The following TEX12 variants were observed in gnomAD, a reference collection of about 807,000 sequenced individuals.
TEX12 encodes the protein testis-expressed protein 12.
In TEX12, 7 loss-of-function variants were observed where a neutral mutation model predicts 14.6. The ratio of observed to expected loss-of-function variants is 0.48; its 90% CI spans 0.27 to 0.90. TEX12 has a LOEUF of 0.90. TEX12 is among the 40% of genes least tolerant of loss of function. The pLI is 0.12. For synonymous variants in TEX12, 57 were observed against 49.1 expected, an observed-to-expected ratio of 1.16 and a Z score of -0.67; for missense variants, 121 against 135.7, an observed-to-expected ratio of 0.89 and a Z score of 0.54.
Position 112,170,688 on chromosome 11 carries a change from G to T in TEX12, c.227+14G>T. Reference sequence around the variant, plus strand: ...AAAGCTTTTAAGGCAAGTACTTATAGTATATTCTCTGGGGTCTTTATGTTA... The same window carrying T: ...AAAGCTTTTAAGGCAAGTACTTATATTATATTCTCTGGGGTCTTTATGTTA... On this transcript the variant is annotated intron_variant, in intron 4 of 4. Coordinates refer to ENST00000280358, the MANE Select transcript of TEX12 (RefSeq NM_031275.4). 1 of 1,595,306 alleles carries T rather than the reference G, an allele frequency of 6.3e-7. No homozygotes were observed. Among genetic ancestry groups the T allele is most frequent in the Non-Finnish European group, 8.6e-7 (1 of 1,165,454 alleles).
chr11:112,170,346 T>C (rs1866774927), intron 2 of TEX12, 73 bp from the exon 3 acceptor site: 1 of 1,049,174 alleles, frequency 9.5e-7, no homozygotes, highest in East Asian at 2.5e-5. Flanking sequence ...ATTTGCTTTT[T>C]CTTAATAAAC....
chr11:112,170,772 A>T (rs1427012179), intron 4 of TEX12, 98 bp downstream of exon 4: 3 of 918,280 alleles, frequency 3.3e-6, no homozygotes, highest in African/African-American at 1.7e-5. Flanking sequence ...AAACCTCTCC[A>T]GTAATTAAAA....
intron 1 of TEX12, 44 bp from the exon 2 acceptor site, chr11:112,169,209 C>T: frequency 7.7e-7 from 1 of 1,294,136 alleles, no homozygotes; most frequent in South Asian, 1.2e-5. Context: ...GAGCTTGTAG[C>T]ATGGAGTTTG....
rs143042971 is a variant in TEX12, at chr11:112,169,950, C to T, written c.64-469C>T. 1.3e-3 allele frequency among the ~76,000 whole-genome samples: 203 copies of T among 152,266 alleles called. 1 individual carries two copies. In the South Asian group the frequency reaches 0.016, roughly 12 times the overall value. On this transcript the variant is annotated intron_variant, in intron 2 of 4. Transcript: ENST00000280358. ...CTTTGGGAGGCTGAGGCAGGAGTAT[C>T]GTTTGAGGCTAAGAGTTTCAGATCA...
At chr11:112,168,663 C>T (rs2135333674) in intron 1 of TEX12, among the ~76,000 whole-genome samples, 1 of 152,072 alleles carries the variant, frequency 6.6e-6, no homozygotes, top group South Asian at 2.1e-4. Flanking sequence ...GCGATTCTCT[C>T]ACCTCAGCTT....
At chr11:112,168,584 C>G (rs1231782846) in intron 1 of TEX12, among the ~76,000 whole-genome samples, 1 of 151,336 alleles carries the variant, frequency 6.6e-6, no homozygotes, top group African/African-American at 2.4e-5. Flanking sequence ...TGGAGTCTCG[C>G]TCTGTTGCCC....
Position 112,172,005 on chromosome 11 carries a change from TAAAG to T in TEX12, c.*93_*96del. 4 of 1,055,490 alleles carry T rather than the reference TAAAG, an allele frequency of 3.8e-6. No individual in the cohort carries two copies. Among genetic ancestry groups the T allele is most frequent in the Non-Finnish European group, 5.1e-6 (4 of 785,752 alleles). The allele number at this position is 1,055,490 out of a possible 1,614,324, so 65.4% of individuals were successfully genotyped here. A position where few individuals can be genotyped will look rare whatever the true frequency, so the allele number is the denominator to read the frequency against. On this transcript the variant is annotated 3_prime_UTR_variant, in exon 5 of 5. Transcript: ENST00000280358. ...TATGCTTTGAAAGCTCTCGAGTTGT[TAAAG>T]AAAATGTATATCTCGAATAGAGAAG...
At chr11:112,167,641 A>G (rs1866742691) in intron 1 of TEX12, among the ~76,000 whole-genome samples, 154 bp downstream of exon 1, 1 of 152,034 alleles carries the variant, frequency 6.6e-6, no homozygotes, top group African/African-American at 2.4e-5. Context: ...GACTAGAAGG[A>G]GACAGCTGCA....
rs770204968 is a variant in TEX12 at position 112,169,468 on chromosome 11, A to G, written c.63+137A>G. 12 of 655,492 alleles carry G rather than the reference A, an allele frequency of 1.8e-5. No homozygotes were observed. In the Middle Eastern group the frequency reaches 1.3e-3, roughly 68 times the overall value. The allele number at this position is 655,492 out of a possible 1,614,324, so 40.6% of individuals were successfully genotyped here. On this transcript the variant is annotated intron_variant, in intron 2 of 4. Transcript: ENST00000280358. Reference sequence around the variant, plus strand: ...CCCAGAGCTAGGATTGTCCTACAACATAGGAGGAACTATGTTGATTCCAGC... The same window carrying G: ...CCCAGAGCTAGGATTGTCCTACAACGTAGGAGGAACTATGTTGATTCCAGC...
At chr11:112,168,902 C>G (rs1866758575) in intron 1 of TEX12, among the ~76,000 whole-genome samples, 1 of 152,102 alleles carries the variant, frequency 6.6e-6, no homozygotes, top group Non-Finnish European at 1.5e-5. Flanking sequence ...GCAGAATTGC[C>G]AGAGAGACTC....
intron 2 of TEX12, among the ~76,000 whole-genome samples, chr11:112,169,899 A>C (rs185684659): frequency 6.6e-6 from 1 of 152,216 alleles, no homozygotes; most frequent in South Asian, 2.1e-4. Context: ...GGCTGGGCGC[A>C]TTGGCTCATG....
chr11:112,171,775 G>A lies in TEX12; in HGVS notation c.231G>A (p.Glu77=). 6.5e-7 allele frequency: 1 copy of A among 1,533,684 alleles called. No homozygotes were observed. Among genetic ancestry groups the A allele is most frequent in the Non-Finnish European group, 8.7e-7 (1 of 1,143,266 alleles). Residue 77 remains glutamate, a synonymous_variant, in exon 5 of 5, where the codon GAG becomes GAA. Transcript: ENST00000280358. ...ATACAACTTTTTTTCCTATTAGTGAGAGAGCAGCAGTAGATGCATCTTACA... is the reference window on the plus strand; with the variant it reads ...ATACAACTTTTTTTCCTATTAGTGAAAGAGCAGCAGTAGATGCATCTTACA... ...MLSTYAKLLS[E]RAAVDASYID... is the part of the protein sequence containing the mutation.
chr11:112,171,891 T>G lies in TEX12; in HGVS notation c.347T>G (p.Val116Gly). The G allele has an allele frequency of 6.4e-7, 1 of 1,572,194 alleles. No individual in the cohort carries two copies. Among genetic ancestry groups the G allele is most frequent in the African/African-American group, 1.4e-5 (1 of 72,938 alleles). ...GAGTTCCTGCGACAGAGGTTTACAG[T>G]GATTGCAAACACATTACACAGATAA... ...KREFLRQRFTVIANTLHR is the reference protein window; with the variant it reads ...KREFLRQRFTGIANTLHR The change falls in exon 5 of 5, where the codon GTG becomes GGG. Residue 116 changes from valine to glycine, a missense_variant. Coordinates refer to ENST00000280358, the MANE Select transcript of TEX12 (RefSeq NM_031275.4).
At chr11:112,168,620 C>G (rs1330095697) in intron 1 of TEX12, among the ~76,000 whole-genome samples, 1 of 151,732 alleles carries the variant, frequency 6.6e-6, no homozygotes, top group Admixed American at 6.6e-5. Context: ...GGCACAATCT[C>G]GGCTCACTGC....
Position 112,172,228 on chromosome 11 carries a change from T to C in TEX12, c.*312T>C, listed in dbSNP as rs1431715850. On this transcript the variant is annotated 3_prime_UTR_variant, in exon 5 of 5. Coordinates refer to ENST00000280358, the MANE Select transcript of TEX12 (RefSeq NM_031275.4). ...TTATGTGGATTCTTTTATTTTTTCCTTAAACTTCTTAGTGTTTCTGAAACT... is the reference window on the plus strand; with the variant it reads ...TTATGTGGATTCTTTTATTTTTTCCCTAAACTTCTTAGTGTTTCTGAAACT... The C allele has an allele frequency of 6.4e-6, 1 of 157,456 alleles. No homozygotes were observed. Among genetic ancestry groups the C allele is most frequent in the Non-Finnish European group, 1.4e-5 (1 of 71,618 alleles). The allele number at this position is 157,456 out of a possible 1,614,324, so 9.8% of individuals were successfully genotyped here.
chr11:112,168,805 G>T (rs1189574108), intron 1 of TEX12, among the ~76,000 whole-genome samples: 1 of 152,164 alleles, frequency 6.6e-6, no homozygotes, highest in Admixed American at 6.5e-5. Flanking sequence ...TCCTGCCTCA[G>T]CTTCCCAAAG....
intron 4 of TEX12, 30 bp downstream of exon 4, chr11:112,170,704 C>A: frequency 1.3e-6 from 2 of 1,556,188 alleles, no homozygotes; most frequent in Non-Finnish European, 1.8e-6. Flanking sequence ...TCTCTGGGGT[C>A]TTTATGTTAG....
At chr11:112,168,780 G>A (rs1866755976) in intron 1 of TEX12, among the ~76,000 whole-genome samples, 2 of 152,088 alleles carry the variant, frequency 1.3e-5, no homozygotes, top group African/African-American at 4.8e-5. Context: ...TCGAACTCCC[G>A]ACCTCAGGTG....
rs1244593224 is a variant in TEX12 at position 112,171,938 on chromosome 11, G to C, written c.*22G>C. Reference sequence around the variant, plus strand: ...ATAAAATATATACTTGAAATAAGCTGAGAATTTAAACCTATTATTGTTATA... The same window carrying C: ...ATAAAATATATACTTGAAATAAGCTCAGAATTTAAACCTATTATTGTTATA... On this transcript the variant is annotated 3_prime_UTR_variant, in exon 5 of 5. Transcript: ENST00000280358. The C allele has an allele frequency of 1.4e-6, 2 of 1,424,936 alleles. No homozygotes were observed. Among genetic ancestry groups the C allele is most frequent in the East Asian group, 5.3e-5 (2 of 37,990 alleles). The allele number at this position is 1,424,936 out of a possible 1,614,324, so 88.3% of individuals were successfully genotyped here.
Sources: allele counts gnomAD v4.1 joint callset (sites outside exome capture counted in the v4.1 genomes callset), GRCh38; gene constraint gnomAD v4.1.1; transcripts MANE v1.5; gene names NCBI Gene and HGNC (gene_info 2026-07-23, HGNC 2026-07-21).